SYNE2: variants seen among roughly 807,000 people sequenced by gnomAD.
SYNE2 encodes the protein nesprin-2.
In SYNE2, 431 loss-of-function variants were observed where a neutral mutation model predicts 856.3. The ratio of observed to expected loss-of-function variants is 0.50; its 90% CI spans 0.47 to 0.55. The LOEUF (loss-of-function observed/expected upper bound fraction) is 0.55. SYNE2 is among the 20% of genes least tolerant of loss of function. The pLI is 0.00. For missense variants in SYNE2, 8,129 were observed against 8,023.2 expected (o/e 1.01, Z -0.50); for synonymous variants, 2,923 against 2,872.3 (o/e 1.02, Z -0.56).
chr14:63,888,042 C>T (rs1160691802), intron 1 of SYNE2, among the ~76,000 whole-genome samples: 7 of 152,198 alleles, frequency 4.6e-5, no homozygotes, highest in Admixed American at 6.5e-5. Flanking sequence ...CATGAGCCAC[C>T]GTACCTGGCC....
intron 18 of SYNE2, among the ~76,000 whole-genome samples, chr14:63,984,380 T>G (rs2096609518): frequency 1.3e-5 from 2 of 152,236 alleles, no homozygotes; most frequent in Non-Finnish European, 2.9e-5. Flanking sequence ...AAGTCTTACT[T>G]ATTACACTTA....
intron 18 of SYNE2, among the ~76,000 whole-genome samples, chr14:63,985,967 C>T (rs1286679910): frequency 6.6e-6 from 1 of 152,120 alleles, no homozygotes; most frequent in Non-Finnish European, 1.5e-5. Context: ...GTGATTGTGC[C>T]ACTGTACTCC....
intron 11 of SYNE2, among the ~76,000 whole-genome samples, chr14:63,973,012 T>G (rs1041285573): frequency 6.6e-6 from 1 of 152,130 alleles, no homozygotes; most frequent in Non-Finnish European, 1.5e-5. Flanking sequence ...CCCAGCACTT[T>G]GGGAGGCTGA....
At chr14:64,114,253 C>T (rs12590062) in intron 66 of SYNE2, among the ~76,000 whole-genome samples, 18,123 of 152,064 alleles carry the variant, frequency 0.12, 1,650 homozygotes, top group African/African-American at 0.25. Flanking sequence ...TTTCTAATCC[C>T]TCCAGGGAGA....
Position 64,169,469 on chromosome 14 carries a change from T to C in SYNE2, c.17000+498T>C, listed in dbSNP as rs149543083. Among the ~76,000 whole-genome samples the C allele has an allele frequency of 5.5e-3, 840 of 152,346 alleles. 8 individuals are homozygous for C. The highest frequency in any genetic ancestry group is 0.02 in the Middle Eastern group (6 of 294). ...GCCAATCAGGCTGAACAGAGCACCTTTGGCCAGTCTGCTAATGCTGAGTGA... is the reference window on the plus strand; with the variant it reads ...GCCAATCAGGCTGAACAGAGCACCTCTGGCCAGTCTGCTAATGCTGAGTGA... On this transcript the variant is annotated intron_variant, in intron 93 of 115. Transcript: ENST00000555002.
At chr14:63,931,722 A>G (rs2095758432) in intron 2 of SYNE2, among the ~76,000 whole-genome samples, 2 of 152,132 alleles carry the variant, frequency 1.3e-5, no homozygotes, top group Admixed American at 6.5e-5. Context: ...GTTTTTTTCT[A>G]CATTACACTG....
At chr14:63,828,745 T>G (rs1187469880) in intron 1 of SYNE2, among the ~76,000 whole-genome samples, 1 of 151,642 alleles carries the variant, frequency 6.6e-6, no homozygotes, top group Non-Finnish European at 1.5e-5. Flanking sequence ...AATAAATAAA[T>G]AAATAAATAA....
At chr14:64,143,317 C>T (rs545513951) in intron 82 of SYNE2, among the ~76,000 whole-genome samples, 59 of 152,322 alleles carry the variant, frequency 3.9e-4, no homozygotes, top group African/African-American at 5.8e-4. Context: ...TAACTATCCC[C>T]GAAGGAACAG....
At chr14:63,886,304 T>C (rs141806044) in intron 1 of SYNE2, among the ~76,000 whole-genome samples, 1 of 152,308 alleles carries the variant, frequency 6.6e-6, no homozygotes, top group African/African-American at 2.4e-5. Context: ...AATTGAGAGC[T>C]AATGGTCCTC....
In SYNE2 at chr14:63,829,569, A is replaced by C. The variant is rs1229066218; in HGVS notation, c.-304-22932A>C. On this transcript the variant is annotated intron_variant, in intron 1 of 23. Coordinates refer to the SYNE2 transcript ENST00000674003. ...CGTATCTACACAAAAACTTATGCCC[A>C]AATTCTCATATTTTTATTTTTTATT... is the stretch of plus-strand genomic sequence containing the variant. Among the ~76,000 whole-genome samples, 3 of 152,150 alleles carry C rather than the reference A, an allele frequency of 2.0e-5. No individual in the cohort carries two copies. In the East Asian group the frequency reaches 5.8e-4, roughly 29 times the overall value.
At chr14:63,888,044 T>A (rs1389919173) in intron 1 of SYNE2, among the ~76,000 whole-genome samples, 1 of 152,172 alleles carries the variant, frequency 6.6e-6, no homozygotes, top group Non-Finnish European at 1.5e-5. Flanking sequence ...TGAGCCACCG[T>A]ACCTGGCCGA....
At chr14:64,134,821 CAAAAAAA>C (rs775008007) in intron 78 of SYNE2, among the ~76,000 whole-genome samples, 2 of 120,716 alleles carry the variant, frequency 1.7e-5, no homozygotes, top group Non-Finnish European at 3.6e-5. Flanking sequence ...TACTAAAATA[CAAAAAAA>C]AAAAAAAAAT....
At chr14:63,884,338 C>T (rs1322985166) in intron 1 of SYNE2, among the ~76,000 whole-genome samples, 8 of 152,160 alleles carry the variant, frequency 5.3e-5, no homozygotes, top group African/African-American at 1.9e-4. Context: ...GTAGGAGTTA[C>T]TCGTTGAGAG....
chr14:63,837,507 A>G (rs1002802666), intron 1 of SYNE2, among the ~76,000 whole-genome samples: 7 of 152,238 alleles, frequency 4.6e-5, no homozygotes, highest in East Asian at 1.9e-4. Context: ...AATGAAGACA[A>G]CACACAGAAT....
chr14:63,978,853 A>T lies in SYNE2; in HGVS notation c.1408A>T (p.Ile470Phe). The change falls in exon 14 of 116, where the codon ATC becomes TTC. Residue 470 changes from isoleucine to phenylalanine, a missense_variant and splice_region_variant. Ile to Phe is a conservative substitution (Grantham distance 21). Coordinates refer to ENST00000555002, the MANE Select transcript of SYNE2 (RefSeq NM_182914.3). ...TCCAAAACCTGCACTGTTTTCCAGA[A>T]TCAACAACATTTTGGAGAAAAAATT... Reference protein sequence around the residue: ...PNKLEEMKRRINNILEKKFIL... With the variant: ...PNKLEEMKRRFNNILEKKFIL... 5.0e-6 allele frequency: 8 copies of T among 1,611,820 alleles called. No homozygotes were observed. Among genetic ancestry groups the T allele is most frequent in the Non-Finnish European group, 6.8e-6 (8 of 1,178,528 alleles).
intron 21 of SYNE2, 30 bp downstream of exon 21, chr14:63,991,145 G>T: frequency 1.2e-6 from 2 of 1,609,270 alleles, no homozygotes; most frequent in South Asian, 1.1e-5. Context: ...TCAAATGTAG[G>T]ACATTATTGT....
At position 64,107,549 on chromosome 14, in the gene SYNE2, A is replaced by T. The variant is rs755222881; in HGVS notation, c.12551A>T (p.Asp4184Val). 8.7e-6 allele frequency: 14 copies of T among 1,614,008 alleles called. No individual in the cohort carries two copies. The African/African-American group carries it at 1.9e-4, about 22-fold the overall frequency. Residue 4184 changes from aspartate (D) to valine (V), a missense_variant, in exon 65 of 116, where the codon GAC becomes GTC. Asp to Val is a radical substitution (Grantham distance 152, BLOSUM62 -3). This residue lies in a region of SYNE2 where 5,410 missense variants were observed against 5,284.8 expected (regional missense o/e 1.02). Coordinates refer to ENST00000555002, the MANE Select transcript of SYNE2 (RefSeq NM_182914.3). ...DNSMAQILTP[D>V]SLNTEQGPEC... is the part of the protein sequence containing the mutation. The stretch of plus-strand genomic sequence containing the variant: ...TCCATGGCACAAATCCTCACACCAG[A>T]CTCACTAAACACTGAGCAAGGCCCA...
intron 105 of SYNE2, 115 bp downstream of exon 105, chr14:64,213,120 G>C: frequency 8.5e-7 from 1 of 1,173,792 alleles, no homozygotes; most frequent in South Asian, 1.4e-5. Flanking sequence ...TTTATTTTTT[G>C]GTTGAAAAGA....
At chr14:64,151,085 G>A (rs1380683453) in intron 84 of SYNE2, among the ~76,000 whole-genome samples, 1 of 152,086 alleles carries the variant, frequency 6.6e-6, no homozygotes, top group Non-Finnish European at 1.5e-5. Flanking sequence ...GATTCCTCCA[G>A]CTCCATTCTC....
Sources: allele counts gnomAD v4.1 joint callset (sites outside exome capture counted in the v4.1 genomes callset), GRCh38; gene constraint gnomAD v4.1.1; regional missense constraint gnomAD v4.1.1; transcripts MANE v1.5; gene names NCBI Gene and HGNC (gene_info 2026-07-23, HGNC 2026-07-21).